Variants in RPS15A observed in about 807,000 individuals in gnomAD.
RPS15A encodes the protein small ribosomal subunit protein uS8.
For missense variants in RPS15A, 62 were observed against 163.4 expected, an observed-to-expected ratio of 0.38 and a Z score of 3.38; for synonymous variants, 55 against 58.5, an observed-to-expected ratio of 0.94 and a Z score of 0.27.
intron 4 of RPS15A, chr16:18,784,174 C>G (rs1186783830): frequency 6.1e-6 from 1 of 162,606 alleles, no homozygotes; most frequent in African/African-American, 2.4e-5. Context: ...GGCCAAGAAG[C>G]CAAGGCTGTA....
chr16:18,788,721 C>G, intron 2 of RPS15A: 1 of 377,540 alleles, frequency 2.6e-6, no homozygotes, highest in African/African-American at 2.1e-5. Flanking sequence ...AGGCTGGTCT[C>G]GAAATGAGCT....
rs1483089151 is a variant in RPS15A, at chr16:18,782,826, G to T, written c.*183C>A. On this transcript the variant is annotated 3_prime_UTR_variant, in exon 5 of 5. Coordinates refer to ENST00000322989, the MANE Select transcript of RPS15A (RefSeq NM_001019.5). Reference sequence around the variant, plus strand: ...GGGTGACTGTTTCTTAGGCATACTGGTTTCATAAGAACTTTTTCCCTTGGC... The same window carrying T: ...GGGTGACTGTTTCTTAGGCATACTGTTTTCATAAGAACTTTTTCCCTTGGC... The T allele has an allele frequency of 1.5e-5, 8 of 532,404 alleles. No individual in the cohort carries two copies. The Admixed American group carries it at 2.5e-4, about 17-fold the overall frequency. 33.0% of individuals were successfully genotyped at this position (532,404 alleles called of 1,614,324 possible). A position where few individuals can be genotyped will look rare whatever the true frequency, so the allele number is the denominator to read the frequency against.
chr16:18,784,118 C>T (rs964694005), intron 4 of RPS15A: 1 of 178,042 alleles, frequency 5.6e-6, no homozygotes, highest in Non-Finnish European at 1.2e-5. Context: ...TGGCAGGCGC[C>T]TGTATTCCCA....
intron 3 of RPS15A, chr16:18,786,257 A>G: frequency 8.9e-6 from 2 of 223,640 alleles, no homozygotes; most frequent in Admixed American, 5.9e-5. Context: ...CTCAGCTACT[A>G]GGGAGGCTGA....
Position 18,783,162 on chromosome 16 carries a change from T to G in RPS15A, c.300-60A>C, listed in dbSNP as rs1199952774. On this transcript the variant is annotated intron_variant, in intron 4 of 4. Coordinates refer to ENST00000322989, the MANE Select transcript of RPS15A (RefSeq NM_001019.5). ...AATAGTTCAACATAGTGCCTTCTAG[T>G]GCAGAAAAACATCAACACTCATCAG... 7.9e-6 allele frequency: 9 copies of G among 1,135,638 alleles called. No individual in the cohort carries two copies. In the East Asian group the frequency reaches 1.6e-4, roughly 21 times the overall value. 70.3% of individuals were successfully genotyped at this position (1,135,638 alleles called of 1,614,324 possible). A position where few individuals can be genotyped will look rare whatever the true frequency, so the allele number is the denominator to read the frequency against.
intron 3 of RPS15A, 28 bp downstream of exon 3, chr16:18,788,035 T>C (rs748425569): frequency 1.9e-5 from 27 of 1,445,126 alleles, no homozygotes; most frequent in African/African-American, 2.8e-5. Context: ...TCTTAAAGCT[T>C]TGAAATGTGT....
intron 1 of RPS15A, among the ~76,000 whole-genome samples, chr16:18,789,499 A>G (rs564530888): frequency 1.3e-5 from 2 of 152,362 alleles, no homozygotes; most frequent in East Asian, 3.9e-4. Context: ...TCGATCAGTG[A>G]TTCAGAACAG....
intron 2 of RPS15A, among the ~76,000 whole-genome samples, chr16:18,788,382 A>C (rs1414188169): frequency 6.6e-6 from 1 of 152,086 alleles, no homozygotes; most frequent in Admixed American, 6.6e-5. Context: ...TTTCCCCTTG[A>C]CCCTTCCTTC....
chr16:18,783,581 G>C lies in RPS15A; in HGVS notation c.300-479C>G, dbSNP rs79732763. 1,942 of 447,852 alleles carry C rather than the reference G, an allele frequency of 4.3e-3. 37 individuals carry two copies. The highest frequency in any genetic ancestry group is 0.035 in the African/African-American group (1,739 of 49,930). 27.7% of individuals were successfully genotyped at this position (447,852 alleles called of 1,614,324 possible). On this transcript the variant is annotated intron_variant, in intron 4 of 4. Coordinates refer to ENST00000322989, the MANE Select transcript of RPS15A (RefSeq NM_001019.5). The stretch of plus-strand genomic sequence containing the variant: ...TAACAAGCATATAGTATGCAAATGT[G>C]CGGCATTAAAATCAGTATCATAATT...
intron 3 of RPS15A, 140 bp from the exon 4 acceptor site, chr16:18,784,963 C>T: frequency 1.7e-6 from 1 of 604,200 alleles, no homozygotes; most frequent in Non-Finnish European, 2.8e-6. Context: ...ATTCTGTGCA[C>T]AATGCTTGAC....
At chr16:18,783,779 G>A (rs534952603) in intron 4 of RPS15A, 2 of 447,366 alleles carry the variant, frequency 4.5e-6, no homozygotes, top group South Asian at 1.6e-5. Flanking sequence ...ATTAAATCAG[G>A]TGATAAACAG....
At chr16:18,783,478 A>G (rs1434417340) in intron 4 of RPS15A, 18 of 359,754 alleles carry the variant, frequency 5.0e-5, no homozygotes, top group Admixed American at 3.0e-4. Flanking sequence ...CATGTACTGT[A>G]TAATAGCTAA....
intron 4 of RPS15A, chr16:18,783,416 T>C: frequency 2.7e-6 from 1 of 369,508 alleles, no homozygotes; most frequent in Non-Finnish European, 5.1e-6. Context: ...TGCTCTCAGG[T>C]AAGGAGACTT....
chr16:18,782,920 TGGCTACACTGCTGTAAA>T lies in RPS15A; in HGVS notation c.*72_*88del. On this transcript the variant is annotated 3_prime_UTR_variant, in exon 5 of 5. Coordinates refer to ENST00000322989, the MANE Select transcript of RPS15A (RefSeq NM_001019.5). ...CAACTGCATGCTGCCGCAGAAGCTG[TGGCTACACTGCTGTAAA>T]GGCTCAAAACGACCAAGTGGAAGCA... is the stretch of plus-strand genomic sequence containing the variant. The T allele has an allele frequency of 1.4e-6, 1 of 735,794 alleles. No homozygotes were observed. Among genetic ancestry groups the T allele is most frequent in the Non-Finnish European group, 2.3e-6 (1 of 432,340 alleles). 45.6% of individuals were successfully genotyped at this position (735,794 alleles called of 1,614,324 possible).
chr16:18,782,797 G>C lies in RPS15A; in HGVS notation c.*212C>G. 3 of 466,808 alleles carry C rather than the reference G, an allele frequency of 6.4e-6. No homozygotes were observed. Among genetic ancestry groups the C allele is most frequent in the South Asian group, 7.0e-5 (2 of 28,388 alleles). The allele number at this position is 466,808 out of a possible 1,614,324, so 28.9% of individuals were successfully genotyped here. On this transcript the variant is annotated 3_prime_UTR_variant, in exon 5 of 5. Coordinates refer to ENST00000322989, the MANE Select transcript of RPS15A (RefSeq NM_001019.5). ...GTCAAATACCTGGTTTTGGCAGACA[G>C]CAGGGGTGACTGTTTCTTAGGCATA...
intron 1 of RPS15A, 144 bp from the exon 2 acceptor site, chr16:18,789,262 TC>T: frequency 1.4e-6 from 1 of 715,084 alleles, no homozygotes; most frequent in Non-Finnish European, 2.3e-6. Flanking sequence ...CTTCTCCATT[TC>T]CCACCACCCA....
In RPS15A at chr16:18,788,965, G is replaced by A; in HGVS notation, c.133+16C>T. 1 of 1,605,888 alleles carries A rather than the reference G, an allele frequency of 6.2e-7. No individual in the cohort carries two copies. On this transcript the variant is annotated intron_variant, in intron 2 of 4. Coordinates refer to ENST00000322989, the MANE Select transcript of RPS15A (RefSeq NM_001019.5). ...GTCTCACATGAAAACATAAAACACA[G>A]CGGCAGCAGACTTACCATGCTTCAT...
chr16:18,784,907 T>C lies in RPS15A; in HGVS notation c.214-84A>G, dbSNP rs1035147658. ...AGTAACACAAGATGACATTCATAAATAAACAGTCCTCCAAACCAACCAACC... is the reference window on the plus strand; with the variant it reads ...AGTAACACAAGATGACATTCATAAACAAACAGTCCTCCAAACCAACCAACC... On this transcript the variant is annotated intron_variant, in intron 3 of 4. Coordinates refer to ENST00000322989, the MANE Select transcript of RPS15A (RefSeq NM_001019.5). 9 of 1,130,302 alleles carry C rather than the reference T, an allele frequency of 8.0e-6. No homozygotes were observed. The African/African-American group carries it at 9.4e-5, about 12-fold the overall frequency. 70.0% of individuals were successfully genotyped at this position (1,130,302 alleles called of 1,614,324 possible). A position where few individuals can be genotyped will look rare whatever the true frequency, so the allele number is the denominator to read the frequency against.
chr16:18,788,715 TG>T, intron 2 of RPS15A: 1 of 367,950 alleles, frequency 2.7e-6, no homozygotes, highest in Non-Finnish European at 5.0e-6. Context: ...TTGGCCAGGC[TG>T]GTCTCGAAAT....
Sources: gnomAD v4.1 joint callset for allele counts (sites outside exome capture counted in the v4.1 genomes callset) on GRCh38, gnomAD v4.1.1 for gene constraint, MANE v1.5 for transcripts, NCBI Gene and HGNC (gene_info 2026-07-23, HGNC 2026-07-21) for gene names.